The following PRKDC variants were observed in gnomAD, a reference collection of about 807,000 sequenced individuals.
PRKDC encodes the protein protein kinase, DNA-activated, catalytic subunit, also known as DNA-dependent protein kinase catalytic subunit.
PRKDC carries 82 observed loss-of-function variants against 486.9 expected under a neutral mutation model. The observed-to-expected ratio is 0.17, with a 90% CI of 0.14 to 0.20. The LOEUF is 0.20. Ranked by LOEUF, PRKDC falls within the 10% of genes least tolerant of loss-of-function variation. PRKDC has a pLI of 1.00. For missense variants in PRKDC, 4,504 were observed against 5,038.2 expected, an observed-to-expected ratio of 0.89 and a Z score of 3.21; for synonymous variants, 1,895 against 1,837.0, an observed-to-expected ratio of 1.03 and a Z score of -0.81.
chr8:47,944,869 C>T (rs1350505726), intron 7 of PRKDC, among the ~76,000 whole-genome samples: 2 of 152,092 alleles, frequency 1.3e-5, no homozygotes, highest in Non-Finnish European at 1.5e-5. Flanking sequence ...GTCAGAGAGG[C>T]CTTAAAGCAG....
intron 67 of PRKDC, among the ~76,000 whole-genome samples, chr8:47,818,038 A>G (rs781051897): frequency 1.3e-5 from 2 of 152,190 alleles, no homozygotes; most frequent in Non-Finnish European, 2.9e-5. Context: ...CTAGTGTCCA[A>G]AACATTCTGG....
intron 25 of PRKDC, among the ~76,000 whole-genome samples, chr8:47,908,132 T>A (rs946538396): frequency 6.6e-6 from 1 of 152,238 alleles, no homozygotes; most frequent in Non-Finnish European, 1.5e-5. Context: ...TGTGCCTGTG[T>A]CGCCCCACCA....
At chr8:47,839,809 C>CA (rs779668182) in intron 55 of PRKDC, among the ~76,000 whole-genome samples, 4 of 152,074 alleles carry the variant, frequency 2.6e-5, no homozygotes, top group Non-Finnish European at 5.9e-5. Context: ...CCCGTCTCCA[C>CA]AAAAAATAAA....
rs1330235717 is a variant in PRKDC, at chr8:47,927,390, G to A, written c.2260-37C>T. 3.8e-6 allele frequency: 6 copies of A among 1,569,452 alleles called. No individual in the cohort carries two copies. In the South Asian group the frequency reaches 7.2e-5, roughly 19 times the overall value. ...TACAAACAAGTTAAACTGAAACGCA[G>A]GAAATATAAGATTTAGAGGAAAAAA... On this transcript the variant is annotated intron_variant, in intron 20 of 85. Coordinates refer to ENST00000314191, the MANE Select transcript of PRKDC (RefSeq NM_006904.7).
chr8:47,880,860 C>T (rs2089198183), intron 38 of PRKDC, among the ~76,000 whole-genome samples: 1 of 151,772 alleles, frequency 6.6e-6, no homozygotes, highest in African/African-American at 2.4e-5. Flanking sequence ...TTGAGACCAG[C>T]CTGGCCACTA....
At chr8:47,816,207 A>C (rs1471191550) in intron 68 of PRKDC, among the ~76,000 whole-genome samples, 1 of 92,606 alleles carries the variant, frequency 1.1e-5, no homozygotes, top group African/African-American at 1.4e-4. Flanking sequence ...AGACTGCATC[A>C]AAAAAAAAAA....
Position 47,895,973 on chromosome 8 carries a change from A to G in PRKDC, c.3598+1188T>C, listed in dbSNP as rs566669207. Among the ~76,000 whole-genome samples the G allele has an allele frequency of 2.0e-5, 3 of 152,176 alleles. No homozygotes were observed. The South Asian group carries it at 6.2e-4, about 32-fold the overall frequency. ...AGAATTGCTTGAACCCAGGGCGCAG[A>G]GGCTGCAGTGAGCCAAGATCGTGCC... On this transcript the variant is annotated intron_variant, in intron 30 of 85. Transcript: ENST00000314191.
rs2086840744 is a variant in PRKDC, at chr8:47,789,066, A to G, written c.10759-17T>C. Reference sequence around the variant, plus strand: ...GCTCCAATCCTGTCAGGGGAAAAAAAAAGTAAGAAAAAAATCAAGCTAGAT... The same window carrying G: ...GCTCCAATCCTGTCAGGGGAAAAAAGAAGTAAGAAAAAAATCAAGCTAGAT... On this transcript the variant is annotated splice_polypyrimidine_tract_variant and intron_variant, in intron 75 of 85. Coordinates refer to ENST00000314191, the MANE Select transcript of PRKDC (RefSeq NM_006904.7). 3 of 1,611,804 alleles carry G rather than the reference A, an allele frequency of 1.9e-6. No individual in the cohort carries two copies. In the East Asian group the frequency reaches 6.7e-5, roughly 36 times the overall value.
chr8:47,795,181 T>C (rs1393259850), intron 73 of PRKDC, among the ~76,000 whole-genome samples: 7 of 131,982 alleles, frequency 5.3e-5, no homozygotes, highest in Non-Finnish European at 6.4e-5. Flanking sequence ...CCACCGTGCC[T>C]GGCCAACTCT....
intron 11 of PRKDC, 27 bp from the exon 12 acceptor site, chr8:47,936,544 T>C (rs1165564459): frequency 2.5e-6 from 4 of 1,611,788 alleles, no homozygotes. Flanking sequence ...ACAGAAGTCT[T>C]CATCAATCTT....
At chr8:47,802,997 C>T (rs1030163003) in intron 70 of PRKDC, among the ~76,000 whole-genome samples, 10 of 152,142 alleles carry the variant, frequency 6.6e-5, no homozygotes, top group Non-Finnish European at 1.5e-4. Context: ...TCACGTTGGC[C>T]AGGATGTTCT....
At chr8:47,809,114 A>G (rs10109158) in intron 68 of PRKDC, among the ~76,000 whole-genome samples, 23,088 of 115,830 alleles carry the variant, frequency 0.2, 3,321 homozygotes, top group African/African-American at 0.41. Context: ...GCAGGGGAGT[A>G]GAGGGGAAGG....
intron 25 of PRKDC, among the ~76,000 whole-genome samples, chr8:47,910,117 CTCTT>C (rs1478411602): frequency 6.6e-6 from 1 of 152,094 alleles, no homozygotes; most frequent in Admixed American, 6.6e-5. Flanking sequence ...TGTACTCTTT[CTCTT>C]TATTTCTCAG....
chr8:47,786,396 A>G lies in PRKDC; in HGVS notation c.10903-1079T>C, dbSNP rs558934258. 3.7e-4 allele frequency among the ~76,000 whole-genome samples: 56 copies of G among 152,346 alleles called. 1 individual carries two copies. The highest frequency in any genetic ancestry group is 2.4e-3 in the Admixed American group (37 of 15,302). On this transcript the variant is annotated intron_variant, in intron 76 of 85. Coordinates refer to ENST00000314191, the MANE Select transcript of PRKDC (RefSeq NM_006904.7). ...CACCGCACTCCAGCCTGGGCGACAG[A>G]TCGAGACTCAGTCTCAAAAACAAAA...
chr8:47,917,406 T>C (rs2090003779), intron 22 of PRKDC, among the ~76,000 whole-genome samples: 1 of 152,176 alleles, frequency 6.6e-6, no homozygotes. Flanking sequence ...ATGCCCAAAA[T>C]AATGAGGTGA....
At chr8:47,927,033 TA>T (rs2090167796) in intron 21 of PRKDC, 160 bp downstream of exon 21, 6 of 729,976 alleles carry the variant, frequency 8.2e-6, no homozygotes. Flanking sequence ...TTATCACAAT[TA>T]GAGTCAGATA....
chr8:47,894,813 T>C (rs530355293), intron 30 of PRKDC, among the ~76,000 whole-genome samples: 1 of 152,326 alleles, frequency 6.6e-6, no homozygotes, highest in East Asian at 1.9e-4. Flanking sequence ...CTTGTACCTG[T>C]AATTCCAGCA....
chr8:47,925,157 T>C (rs1473552780), intron 21 of PRKDC, among the ~76,000 whole-genome samples: 3 of 152,160 alleles, frequency 2.0e-5, no homozygotes, highest in Non-Finnish European at 4.4e-5. Flanking sequence ...CCTAAAGGCC[T>C]CAGGACTGAT....
intron 21 of PRKDC, among the ~76,000 whole-genome samples, chr8:47,922,745 T>A (rs995768787): frequency 6.6e-6 from 1 of 152,196 alleles, no homozygotes; most frequent in Non-Finnish European, 1.5e-5. Context: ...TAGTAGCAGT[T>A]ACTATATTGG....
Sources: allele counts gnomAD v4.1 joint callset (sites outside exome capture counted in the v4.1 genomes callset), GRCh38; gene constraint gnomAD v4.1.1; transcripts MANE v1.5; gene names NCBI Gene and HGNC (gene_info 2026-07-23, HGNC 2026-07-21).